SMYD3: variants seen among roughly 807,000 people sequenced by gnomAD.
SMYD3 encodes the protein SET and MYND domain containing 3.
In SMYD3, 36 loss-of-function variants were observed where a neutral mutation model predicts 57.7. The observed-to-expected ratio is 0.62, with a 90% CI of 0.48 to 0.82. SMYD3 has a LOEUF of 0.82. SMYD3 is among the 40% of genes least tolerant of loss of function. The pLI is 0.00. For missense variants in SMYD3, 515 were observed against 538.8 expected (o/e 0.96, Z 0.44); for synonymous variants, 211 against 195.0 (o/e 1.08, Z -0.68).
At chr1:246,245,394 G>A (rs1291594875) in intron 5 of SMYD3, among the ~76,000 whole-genome samples, 1 of 151,516 alleles carries the variant, frequency 6.6e-6, no homozygotes, top group Non-Finnish European at 1.5e-5. Flanking sequence ...AGTCAGCCAA[G>A]ATCGTGCCAC....
rs184416492 is a variant in SMYD3 at position 246,414,968 on chromosome 1, C to T, written c.165-59874G>A. On this transcript the variant is annotated intron_variant, in intron 1 of 11. Coordinates refer to ENST00000490107, the MANE Select transcript of SMYD3 (RefSeq NM_001167740.2). ...CTGACCTCAGGTGATCCACCTGCCT[C>T]GGCCTCCCAAAGTCCTGGGATTACA... Among the ~76,000 whole-genome samples, 535 of 152,230 alleles carry T rather than the reference C, an allele frequency of 3.5e-3. 2 individuals are homozygous for T. Among genetic ancestry groups the T allele is most frequent in the African/African-American group, 0.012 (495 of 41,548 alleles).
intron 5 of SMYD3, among the ~76,000 whole-genome samples, chr1:246,138,118 T>A (rs908747421): frequency 3.3e-5 from 5 of 152,212 alleles, no homozygotes; most frequent in African/African-American, 1.2e-4. Flanking sequence ...TATGTCTTAC[T>A]CATTTTCCTC....
chr1:246,105,438 T>C (rs1352489415), intron 5 of SMYD3, among the ~76,000 whole-genome samples: 1 of 152,054 alleles, frequency 6.6e-6, no homozygotes, highest in East Asian at 1.9e-4. Flanking sequence ...CTGCTAAATA[T>C]TATGTGAAAA....
intron 5 of SMYD3, among the ~76,000 whole-genome samples, chr1:246,046,849 T>C (rs2059975574): frequency 6.6e-6 from 1 of 151,590 alleles, no homozygotes; most frequent in South Asian, 2.1e-4. Flanking sequence ...TCATTAGTTT[T>C]CTCTGTACCA....
chr1:246,180,795 A>C (rs1440044584), intron 5 of SMYD3, among the ~76,000 whole-genome samples: 8 of 104,792 alleles, frequency 7.6e-5, no homozygotes, highest in South Asian at 3.3e-4. Context: ...AAAAAAAAAA[A>C]AACAACTCAG....
At chr1:246,066,463 A>C (rs2060341488) in intron 5 of SMYD3, among the ~76,000 whole-genome samples, 1 of 152,024 alleles carries the variant, frequency 6.6e-6, no homozygotes, top group Non-Finnish European at 1.5e-5. Context: ...TTTTACAAAC[A>C]GTGAAAAGGT....
intron 5 of SMYD3, among the ~76,000 whole-genome samples, chr1:246,215,798 G>A (rs975118755): frequency 5.3e-5 from 8 of 152,120 alleles, no homozygotes; most frequent in East Asian, 1.9e-4. Flanking sequence ...AATCCTGCCT[G>A]AGATGAGTCC....
At chr1:246,354,342 A>G (rs1354663029) in intron 2 of SMYD3, among the ~76,000 whole-genome samples, 1 of 152,368 alleles carries the variant, frequency 6.6e-6, no homozygotes. Flanking sequence ...AAATTAACTC[A>G]AACTCTTGGC....
chr1:245,970,801 G>A (rs1005112005), intron 5 of SMYD3, among the ~76,000 whole-genome samples: 3 of 152,156 alleles, frequency 2.0e-5, no homozygotes, highest in Non-Finnish European at 4.4e-5. Flanking sequence ...GAAACAACAG[G>A]TGCTGGAGAG....
At chr1:246,012,881 T>C (rs1558150653) in intron 5 of SMYD3, among the ~76,000 whole-genome samples, 1 of 152,204 alleles carries the variant, frequency 6.6e-6, no homozygotes, top group East Asian at 1.9e-4. Flanking sequence ...AAAGCGAAGT[T>C]CTGAGAAATC....
At chr1:246,122,870 G>A (rs900387031) in intron 5 of SMYD3, among the ~76,000 whole-genome samples, 1 of 152,154 alleles carries the variant, frequency 6.6e-6, no homozygotes, top group African/African-American at 2.4e-5. Context: ...ATTAACTTCA[G>A]GCCAATCAAA....
chr1:246,145,394 T>A (rs2061827233), intron 5 of SMYD3, among the ~76,000 whole-genome samples: 1 of 152,254 alleles, frequency 6.6e-6, no homozygotes, highest in African/African-American at 2.4e-5. Flanking sequence ...TGACTAATAA[T>A]ACTGAATTGT....
intron 5 of SMYD3, among the ~76,000 whole-genome samples, chr1:246,121,593 G>A (rs1322778248): frequency 6.6e-6 from 1 of 152,118 alleles, no homozygotes; most frequent in Non-Finnish European, 1.5e-5. Context: ...AATTTTCAGT[G>A]TATTCCCAGA....
intron 2 of SMYD3, among the ~76,000 whole-genome samples, chr1:246,352,871 A>AAG (rs1348230198): frequency 1.3e-5 from 2 of 152,176 alleles, no homozygotes; most frequent in Non-Finnish European, 2.9e-5. Context: ...ACTGTTTATT[A>AAG]AGTGTTTTAT....
chr1:245,852,152 G>C (rs1319591880), intron 10 of SMYD3, among the ~76,000 whole-genome samples: 1 of 152,256 alleles, frequency 6.6e-6, no homozygotes, highest in African/African-American at 2.4e-5. Flanking sequence ...TGAGGTGACA[G>C]CAATGGTCAG....
intron 10 of SMYD3, among the ~76,000 whole-genome samples, chr1:245,770,988 G>A (rs981892000): frequency 6.6e-6 from 1 of 152,076 alleles, no homozygotes; most frequent in African/African-American, 2.4e-5. Flanking sequence ...GGTCTCATAT[G>A]TGTCAACTGG....
intron 10 of SMYD3, among the ~76,000 whole-genome samples, chr1:245,839,335 A>G (rs2050272480): frequency 6.6e-6 from 1 of 151,932 alleles, no homozygotes; most frequent in Non-Finnish European, 1.5e-5. Flanking sequence ...GCGCCCAGCT[A>G]AGTTTTTGTA....
intron 5 of SMYD3, among the ~76,000 whole-genome samples, chr1:246,225,001 G>A (rs1165191745): frequency 6.6e-6 from 1 of 151,970 alleles, no homozygotes; most frequent in African/African-American, 2.4e-5. Flanking sequence ...TAGATGGCTG[G>A]ACATACGAAC....
chr1:245,837,956 T>A (rs181291309), intron 10 of SMYD3, among the ~76,000 whole-genome samples: 2 of 152,330 alleles, frequency 1.3e-5, no homozygotes, highest in Admixed American at 1.3e-4. Flanking sequence ...GTGATTCACC[T>A]CTGCAGGGCA....
Sources: allele counts gnomAD v4.1 joint callset (sites outside exome capture counted in the v4.1 genomes callset), GRCh38; gene constraint gnomAD v4.1.1; transcripts MANE v1.5; gene names NCBI Gene and HGNC (gene_info 2026-07-23, HGNC 2026-07-21).